Variants in GTF3C1 observed in about 807,000 individuals in gnomAD.
GTF3C1 encodes the protein general transcription factor IIIC subunit 1.
Under a neutral mutation model 226.7 loss-of-function variants are expected in GTF3C1, and 57 were observed. The ratio of observed to expected loss-of-function variants is 0.25; its 90% confidence interval spans 0.20 to 0.31. GTF3C1 has a LOEUF of 0.31. Ranked by LOEUF, GTF3C1 falls within the 10% of genes least tolerant of loss-of-function variation. GTF3C1 has a pLI of 1.00. For missense variants in GTF3C1, 2,217 were observed against 2,776.1 expected (o/e 0.80, Z 4.53); for synonymous variants, 1,090 against 1,084.8 (o/e 1.00, Z -0.09).
At chr16:27,497,555 G>GGAGA (rs2088338306) in intron 14 of GTF3C1, 82 bp downstream of exon 14, 1 of 1,140,794 alleles carries the variant, frequency 8.8e-7, no homozygotes, top group African/African-American at 1.5e-5. Flanking sequence ...GAGCTCAAAT[G>GGAGA]GAGAGGACCA....
At position 27,493,419 on chromosome 16, in the gene GTF3C1, C is replaced by T. The variant is rs2088262828; in HGVS notation, c.2779-123G>A. The T allele has an allele frequency of 2.6e-5, 17 of 642,958 alleles. 1 individual carries two copies. The South Asian group carries it at 2.7e-4, about 10-fold the overall frequency. The allele number at this position is 642,958 out of a possible 1,614,324, so 39.8% of individuals were successfully genotyped here. A position where few individuals can be genotyped will look rare whatever the true frequency, so the allele number is the denominator to read the frequency against. On this transcript the variant is annotated intron_variant, in intron 16 of 36. Transcript: ENST00000356183. ...CCCTGAACCTGCCCACTGGGCTCTC[C>T]TTCCTGCCCCACCAAGTGCCCCTGC...
At chr16:27,488,096 G>A (rs1468806167) in intron 23 of GTF3C1, 131 bp downstream of exon 23, 23 of 726,436 alleles carry the variant, frequency 3.2e-5, no homozygotes, top group Middle Eastern at 2.5e-4. Flanking sequence ...GAGAGTCAGC[G>A]CCACACATCG....
intron 6 of GTF3C1, among the ~76,000 whole-genome samples, chr16:27,519,083 G>T (rs2088706221): frequency 6.6e-6 from 1 of 152,144 alleles, no homozygotes; most frequent in Admixed American, 6.5e-5. Flanking sequence ...AGACAGGATG[G>T]GGCTAGGCAG....
At chr16:27,477,202 C>T (rs193298221) in intron 28 of GTF3C1, among the ~76,000 whole-genome samples, 19 of 152,292 alleles carry the variant, frequency 1.2e-4, no homozygotes, top group Admixed American at 1.2e-3. Context: ...CAAGACCAAC[C>T]CCTCCTCTTC....
At chr16:27,539,025 T>G (rs1400275990) in intron 2 of GTF3C1, among the ~76,000 whole-genome samples, 1 of 147,154 alleles carries the variant, frequency 6.8e-6, no homozygotes, top group Non-Finnish European at 1.5e-5. Flanking sequence ...TTTTTTTTTT[T>G]GCCAACATCC....
intron 6 of GTF3C1, among the ~76,000 whole-genome samples, chr16:27,523,387 C>G (rs1474952454): frequency 2.6e-5 from 4 of 151,900 alleles, no homozygotes; most frequent in African/African-American, 9.7e-5. Flanking sequence ...AAAAATAATT[C>G]ATATACTAGA....
intron 11 of GTF3C1, among the ~76,000 whole-genome samples, 154 bp from the exon 12 acceptor site, chr16:27,501,498 C>T (rs923404439): frequency 1.3e-5 from 2 of 152,182 alleles, no homozygotes; most frequent in African/African-American, 2.4e-5. Context: ...TTTCTTGAGA[C>T]GTTAATGATT....
chr16:27,549,889 ATTGCTAC>A lies in GTF3C1; in HGVS notation c.-6_1del. The A allele has an allele frequency of 6.2e-7, 1 of 1,609,888 alleles. No homozygotes were observed. Among genetic ancestry groups the A allele is most frequent in the South Asian group, 1.1e-5 (1 of 90,982 alleles). ...GTCCAACAACGACTCCAGCGCGTCCATTGCTACTTCAGTCGGCGGCGCCCGGGGCGCA... is the reference window on the plus strand; with the variant it reads ...GTCCAACAACGACTCCAGCGCGTCCATTCAGTCGGCGGCGCCCGGGGCGCA... On this transcript the variant is annotated start_lost and start_retained_variant and 5_prime_UTR_variant, in exon 1 of 37. Coordinates refer to ENST00000356183, the MANE Select transcript of GTF3C1 (RefSeq NM_001520.4).
At chr16:27,504,104 G>A (rs988652135) in intron 10 of GTF3C1, among the ~76,000 whole-genome samples, 3 of 152,220 alleles carry the variant, frequency 2.0e-5, no homozygotes, top group Non-Finnish European at 4.4e-5. Context: ...TTTCCATGGG[G>A]CTGCTGGACA....
chr16:27,529,148 T>C (rs2088877205), intron 5 of GTF3C1, among the ~76,000 whole-genome samples: 1 of 152,102 alleles, frequency 6.6e-6, no homozygotes, highest in Non-Finnish European at 1.5e-5. Context: ...AAAAATAGGT[T>C]AAAAAATTTT....
At chr16:27,478,590 G>C in intron 27 of GTF3C1, 59 bp from the exon 28 acceptor site, 3 of 1,170,592 alleles carry the variant, frequency 2.6e-6, no homozygotes, top group Non-Finnish European at 3.9e-6. Context: ...CTAAGCAAGC[G>C]GATGCTGGCT....
Position 27,464,729 on chromosome 16 carries a change from G to A in GTF3C1, c.5463C>T (p.Asp1821=). Residue 1821 remains aspartate (D), a synonymous_variant, in exon 34 of 37, where the codon GAC becomes GAT. Coordinates refer to ENST00000356183, the MANE Select transcript of GTF3C1 (RefSeq NM_001520.4). ...CTCTCTGGATGTCGGCGTCTTCTCT[G>A]TCTTTCAGCCGCACGGAGTGCAGGA... ...PWLLHSVRLK[D]REDADIQRED... 1.9e-6 allele frequency: 3 copies of A among 1,595,202 alleles called. No individual in the cohort carries two copies. The highest frequency in any genetic ancestry group is 2.5e-6 in the Non-Finnish European group (3 of 1,178,026).
chr16:27,477,915 A>C (rs1166838370), intron 28 of GTF3C1, among the ~76,000 whole-genome samples: 2 of 152,228 alleles, frequency 1.3e-5, no homozygotes, highest in African/African-American at 4.8e-5. Flanking sequence ...TACGCCTGTA[A>C]TCCCAGCACT....
intron 6 of GTF3C1, among the ~76,000 whole-genome samples, chr16:27,528,347 TGG>T (rs2088864456): frequency 6.6e-6 from 1 of 152,208 alleles, no homozygotes; most frequent in Admixed American, 6.5e-5. Flanking sequence ...CTTGTTTATT[TGG>T]GCACCTGATA....
At chr16:27,509,151 TA>T (rs562970322) in intron 7 of GTF3C1, among the ~76,000 whole-genome samples, 59 of 152,202 alleles carry the variant, frequency 3.9e-4, no homozygotes, top group Non-Finnish European at 7.1e-4. Context: ...CACTGTCCCA[TA>T]AGAGTCGTGC....
chr16:27,468,401 T>C lies in GTF3C1; in HGVS notation c.5074+890A>G, dbSNP rs528872836. Among the ~76,000 whole-genome samples, 9 of 152,320 alleles carry C rather than the reference T, an allele frequency of 5.9e-5. No individual in the cohort carries two copies. The South Asian group carries it at 1.9e-3, about 32-fold the overall frequency. Reference sequence around the variant, plus strand: ...TGGGAGGCCATGGCGGGAGAATCCCTTGAGGCCTGAGACCAGCCTGGGCAA... The same window carrying C: ...TGGGAGGCCATGGCGGGAGAATCCCCTGAGGCCTGAGACCAGCCTGGGCAA... On this transcript the variant is annotated intron_variant, in intron 32 of 36. Coordinates refer to ENST00000356183, the MANE Select transcript of GTF3C1 (RefSeq NM_001520.4).
chr16:27,501,321 T>C lies in GTF3C1; in HGVS notation c.1931A>G (p.Gln644Arg). The C allele has an allele frequency of 6.2e-7, 1 of 1,614,156 alleles. No individual in the cohort carries two copies. The highest frequency in any genetic ancestry group is 8.5e-7 in the Non-Finnish European group (1 of 1,180,006). The stretch of plus-strand genomic sequence containing the variant: ...GGTGGACACGCCTTCCTGCTTCTCC[T>C]GATCCATGATCATCTTCTGAATCCT... ...LFTIQKMIMDQEKQEGVSTKC... is the reference protein window; with the variant it reads ...LFTIQKMIMDREKQEGVSTKC... Residue 644 changes from glutamine (Q) to arginine (R), a missense_variant, in exon 12 of 37, where the codon CAG becomes CGG. Physicochemically the swap from Gln to Arg is conservative, Grantham distance 43 (BLOSUM62 1). Transcript: ENST00000356183.
chr16:27,488,984 G>A, intron 21 of GTF3C1, 59 bp downstream of exon 21: 3 of 1,515,448 alleles, frequency 2.0e-6, no homozygotes, highest in Non-Finnish European at 2.7e-6. Context: ...GGCAGGGAGG[G>A]ACAGGAGGGT....
At chr16:27,489,471 T>C in intron 20 of GTF3C1, 131 bp downstream of exon 20, 1 of 678,814 alleles carries the variant, frequency 1.5e-6, no homozygotes, top group Non-Finnish European at 2.5e-6. Flanking sequence ...GAGCCAGCCA[T>C]CTGCAGCCTC....
Sources: gnomAD v4.1 joint callset for allele counts (sites outside exome capture counted in the v4.1 genomes callset) on GRCh38, gnomAD v4.1.1 for gene constraint, MANE v1.5 for transcripts, NCBI Gene and HGNC (gene_info 2026-07-23, HGNC 2026-07-21) for gene names.